MAGI3: variants seen among roughly 807,000 people sequenced by gnomAD.
MAGI3 encodes membrane associated guanylate kinase, WW and PDZ domain containing 3, also known as membrane-associated guanylate kinase, WW and PDZ domain-containing protein 3.
A neutral mutation model predicts 121.8 loss-of-function variants in MAGI3; 43 were observed. The ratio of observed to expected loss-of-function variants is 0.35; its 90% confidence interval spans 0.28 to 0.46. The LOEUF is 0.46. Ranked by LOEUF, MAGI3 falls within the 20% of genes least tolerant of loss-of-function variation. The pLI, the probability that MAGI3 is intolerant of heterozygous loss-of-function variation, is 1.00. For synonymous variants in MAGI3, 553 were observed against 639.3 expected (o/e 0.86, Z 2.04); for missense variants, 1,547 against 1,797.3 (o/e 0.86, Z 2.52).
intron 16 of MAGI3, among the ~76,000 whole-genome samples, chr1:113,668,610 C>T (rs1256048977): frequency 1.6e-5 from 2 of 128,694 alleles, no homozygotes; most frequent in Non-Finnish European, 3.1e-5. Flanking sequence ...GAGTCTCGCT[C>T]TGTCGCCCAG....
chr1:113,607,754 A>C (rs1649868377), intron 6 of MAGI3, among the ~76,000 whole-genome samples: 1 of 152,182 alleles, frequency 6.6e-6, no homozygotes, highest in East Asian at 1.9e-4. Context: ...GACCAAATTA[A>C]TCTTTCTAAA....
chr1:113,654,586 TA>T lies in MAGI3; in HGVS notation c.2629+571del, dbSNP rs543937731. ...TTTGTCAACAATTGGAAAATGGATCTAAATATCTTGAACCAAGTTTAACAGA... is the reference window on the plus strand; with the variant it reads ...TTTGTCAACAATTGGAAAATGGATCTAATATCTTGAACCAAGTTTAACAGA... On this transcript the variant is annotated intron_variant, in intron 15 of 20. Coordinates refer to ENST00000307546, the MANE Select transcript of MAGI3 (RefSeq NM_001142782.2). 4.0e-3 allele frequency among the ~76,000 whole-genome samples: 605 copies of T among 152,310 alleles called. 2 individuals carry two copies. The highest frequency in any genetic ancestry group is 0.014 in the African/African-American group (575 of 41,582).
chr1:113,474,928 G>A (rs1655736501), intron 1 of MAGI3, among the ~76,000 whole-genome samples: 3 of 152,166 alleles, frequency 2.0e-5, no homozygotes, highest in African/African-American at 7.2e-5. Flanking sequence ...GCAGTGGTTT[G>A]TAGTTCTCCT....
At chr1:113,637,325 C>A (rs981765801) in intron 9 of MAGI3, among the ~76,000 whole-genome samples, 1 of 152,150 alleles carries the variant, frequency 6.6e-6, no homozygotes, top group Non-Finnish European at 1.5e-5. Flanking sequence ...TTCCTAGCCT[C>A]GATGGTCTTT....
chr1:113,616,569 T>G (rs1650483656), intron 7 of MAGI3, among the ~76,000 whole-genome samples: 1 of 152,198 alleles, frequency 6.6e-6, no homozygotes, highest in Non-Finnish European at 1.5e-5. Flanking sequence ...TGTATTTATT[T>G]TAGAGGATGG....
At chr1:113,641,090 ATT>A (rs1557869094) in intron 9 of MAGI3, among the ~76,000 whole-genome samples, 4 of 65,112 alleles carry the variant, frequency 6.1e-5, no homozygotes, top group African/African-American at 2.8e-4. Context: ...TGAGATATAT[ATT>A]ATATATATGA....
intron 1 of MAGI3, among the ~76,000 whole-genome samples, chr1:113,513,971 A>C (rs1180311150): frequency 1.3e-5 from 2 of 152,062 alleles, no homozygotes; most frequent in Non-Finnish European, 2.9e-5. Context: ...GAAGGACATG[A>C]ACAGACACTT....
intron 1 of MAGI3, among the ~76,000 whole-genome samples, chr1:113,405,106 A>G (rs1237730649): frequency 6.6e-6 from 1 of 152,138 alleles, no homozygotes; most frequent in South Asian, 2.1e-4. Flanking sequence ...AGTGTGATAT[A>G]TGAGAATTTC....
intron 3 of MAGI3, among the ~76,000 whole-genome samples, chr1:113,583,977 C>G (rs1204846116): frequency 1.3e-5 from 2 of 152,036 alleles, no homozygotes; most frequent in Non-Finnish European, 2.9e-5. Context: ...AATGTTTTCC[C>G]CCTCAAAACA....
chr1:113,591,378 T>A (rs1049468477), intron 5 of MAGI3, among the ~76,000 whole-genome samples: 3 of 152,122 alleles, frequency 2.0e-5, no homozygotes, highest in Non-Finnish European at 2.9e-5. Context: ...ATTAATGTAG[T>A]AAAGTTACAG....
chr1:113,441,205 C>G (rs1210732429), intron 1 of MAGI3, among the ~76,000 whole-genome samples: 2 of 152,126 alleles, frequency 1.3e-5, no homozygotes, highest in East Asian at 3.9e-4. Context: ...GGGATTTCCC[C>G]TTTCACTCTT....
chr1:113,549,502 GTC>G lies in MAGI3; in HGVS notation c.317-11_317-10del. On this transcript the variant is annotated splice_polypyrimidine_tract_variant and intron_variant, in intron 1 of 20. Transcript: ENST00000307546. ...CATTTATTTTCTGTTTTTTTTTTTT[GTC>G]TTTGCTCCAGGCAAAGTCATTAATA... The G allele has an allele frequency of 1.0e-5, 9 of 865,414 alleles. No homozygotes were observed. The highest frequency in any genetic ancestry group is 1.1e-5 in the Non-Finnish European group (7 of 630,488). The allele number at this position is 865,414 out of a possible 1,614,324, so 53.6% of individuals were successfully genotyped here. A position where few individuals can be genotyped will look rare whatever the true frequency, so the allele number is the denominator to read the frequency against.
rs901141155 is a variant in MAGI3, at chr1:113,649,301, G to A, written c.2220G>A (p.Val740=). 12 of 1,612,938 alleles carry A rather than the reference G, an allele frequency of 7.4e-6. No homozygotes were observed. The highest frequency in any genetic ancestry group is 9.3e-6 in the Non-Finnish European group (11 of 1,179,502). The change falls in exon 13 of 21, where the codon GTG becomes GTA. Residue 740 remains valine, a synonymous_variant. Transcript: ENST00000307546. ...AAGAGTCAGGGTTTGGCTTCAGGGT[G>A]CTAGGAGGAGATGGACCTGACCAGT... The part of the protein sequence containing the change: ...RKQESGFGFR[V]LGGDGPDQSI...
chr1:113,476,700 T>G (rs1655838497), intron 1 of MAGI3, among the ~76,000 whole-genome samples: 1 of 152,226 alleles, frequency 6.6e-6, no homozygotes, highest in Admixed American at 6.5e-5. Flanking sequence ...TATATTCTGT[T>G]GATTTGGGAT....
At chr1:113,657,721 C>G (rs1371911389) in intron 15 of MAGI3, among the ~76,000 whole-genome samples, 1 of 152,222 alleles carries the variant, frequency 6.6e-6, no homozygotes, top group Non-Finnish European at 1.5e-5. Flanking sequence ...AGTGAATCAA[C>G]TCATAATGCC....
rs1648330866 is a variant in MAGI3 at position 113,683,288 on chromosome 1, T to G, written c.3720T>G (p.Pro1240=). ...QHSEEHLDKI[P]SPLKNNPKRR... The stretch of plus-strand genomic sequence containing the variant: ...CAGAGGAACATTTGGATAAGATTCC[T>G]AGTCCTCTAAAAAATAACCCCAAAA... Residue 1240 remains proline, a synonymous_variant, in exon 21 of 21, where the codon CCT becomes CCG. Transcript: ENST00000307546. 6.2e-7 allele frequency: 1 copy of G among 1,612,644 alleles called. No homozygotes were observed. Among genetic ancestry groups the G allele is most frequent in the African/African-American group, 1.3e-5 (1 of 74,710 alleles).
chr1:113,565,105 C>T (rs986815865), intron 2 of MAGI3, among the ~76,000 whole-genome samples: 14 of 152,098 alleles, frequency 9.2e-5, no homozygotes, highest in African/African-American at 3.4e-4. Flanking sequence ...CCGCCTCAGC[C>T]TCCCAAAGTG....
At chr1:113,449,010 T>C (rs1001479936) in intron 1 of MAGI3, among the ~76,000 whole-genome samples, 13 of 151,034 alleles carry the variant, frequency 8.6e-5, no homozygotes, top group African/African-American at 2.4e-4. Context: ...CCCAGCTACC[T>C]GAGAGGCTGA....
At chr1:113,392,987 A>G (rs957261040) in intron 1 of MAGI3, among the ~76,000 whole-genome samples, 12 of 152,222 alleles carry the variant, frequency 7.9e-5, no homozygotes, top group Non-Finnish European at 1.5e-5. Flanking sequence ...TCGTTAGGGC[A>G]TAGATGAGAA....
Sources: allele counts gnomAD v4.1 joint callset (sites outside exome capture counted in the v4.1 genomes callset), GRCh38; gene constraint gnomAD v4.1.1; transcripts MANE v1.5; gene names NCBI Gene and HGNC (gene_info 2026-07-23, HGNC 2026-07-21).